ZFHX3: variants seen among roughly 807,000 people sequenced by gnomAD.
ZFHX3 encodes zinc finger homeobox 3.
Under a neutral mutation model 279.1 loss-of-function variants are expected in ZFHX3, and 42 were observed. The observed-to-expected ratio is 0.15, with a 90% CI of 0.12 to 0.19. The LOEUF (loss-of-function observed/expected upper bound fraction) is 0.19, where lower values mean the gene tolerates loss of function less well. Among genes scored for constraint, ZFHX3 ranks in the 10% least tolerant of loss-of-function variants. The pLI, the probability that ZFHX3 is intolerant of heterozygous loss-of-function variation, is 1.00. For missense variants in ZFHX3, 4,981 were observed against 4,754.0 expected (o/e 1.05, Z -1.40); for synonymous variants, 2,293 against 1,957.8 (o/e 1.17, Z -4.52).
At chr16:73,581,528 G>T (rs970042211) in intron 2 of ZFHX3, among the ~76,000 whole-genome samples, 2 of 151,728 alleles carry the variant, frequency 1.3e-5, no homozygotes, top group Non-Finnish European at 1.5e-5. Flanking sequence ...CAAGCTGAAG[G>T]GTTTAAGTAC....
chr16:73,680,462 A>G (rs953828157), intron 1 of ZFHX3, among the ~76,000 whole-genome samples: 4 of 152,214 alleles, frequency 2.6e-5, no homozygotes, highest in Admixed American at 6.5e-5. Flanking sequence ...TCCAATTGCA[A>G]AGAAAGCCTG....
intron 3 of ZFHX3, among the ~76,000 whole-genome samples, chr16:73,359,609 G>C (rs977322040): frequency 4.6e-5 from 7 of 152,180 alleles, no homozygotes; most frequent in African/African-American, 1.7e-4. Flanking sequence ...AGAGGCATTG[G>C]GAAGGAAAGG....
chr16:73,891,302 G>A (rs1387761891), intron 1 of ZFHX3, among the ~76,000 whole-genome samples: 1 of 152,128 alleles, frequency 6.6e-6, no homozygotes, highest in African/African-American at 2.4e-5. Context: ...ATCTGTTGAA[G>A]ATCAGACGCT....
chr16:73,703,676 C>A lies in ZFHX3; in HGVS notation c.-1607-23436G>T, dbSNP rs1037517101. 2.6e-5 allele frequency among the ~76,000 whole-genome samples: 4 copies of A among 152,150 alleles called. No homozygotes were observed. The South Asian group carries it at 8.3e-4, about 32-fold the overall frequency. The stretch of plus-strand genomic sequence containing the variant: ...ATGAGTAAGAAAGATTTAAGAGTCC[C>A]GGGAGGTGCCTGGCAGACACTGGAC... On this transcript the variant is annotated intron_variant, in intron 1 of 17. Transcript: ENST00000641206.
rs374032436 is a variant in ZFHX3 at position 73,328,438 on chromosome 16, C to T, written c.-1290-10102G>A. Among the ~76,000 whole-genome samples, 74 of 152,282 alleles carry T rather than the reference C, an allele frequency of 4.9e-4. No individual in the cohort carries two copies. The South Asian group carries it at 6.6e-3, about 14-fold the overall frequency. On this transcript the variant is annotated intron_variant, in intron 3 of 17. Coordinates refer to the ZFHX3 transcript ENST00000641206. ...AGCCATCATTTTTGAGAGTCTAAGA[C>T]GGGAGTTATAGGTTTGGTGTGGATT...
intron 7 of ZFHX3, among the ~76,000 whole-genome samples, chr16:73,115,166 A>G (rs1405023059): frequency 6.6e-6 from 1 of 152,022 alleles, no homozygotes; most frequent in African/African-American, 2.4e-5. Flanking sequence ...TCCAAGTCTC[A>G]GCAGACGCTG....
chr16:73,718,808 G>T (rs1295891255), intron 1 of ZFHX3, among the ~76,000 whole-genome samples: 1 of 151,878 alleles, frequency 6.6e-6, no homozygotes, highest in Non-Finnish European at 1.5e-5. Context: ...TAGAGACGGG[G>T]TTTCGCCATA....
At chr16:72,870,896 T>C (rs2038144963) in intron 4 of ZFHX3, among the ~76,000 whole-genome samples, 1 of 152,176 alleles carries the variant, frequency 6.6e-6, no homozygotes, top group African/African-American at 2.4e-5. Context: ...TGTGGTTATG[T>C]AAAATATCTT....
chr16:73,647,936 G>A (rs1221691606), intron 2 of ZFHX3, among the ~76,000 whole-genome samples: 5 of 151,916 alleles, frequency 3.3e-5, no homozygotes, highest in Non-Finnish European at 7.4e-5. Flanking sequence ...TAAAACATAC[G>A]CTCAATACAA....
At chr16:73,821,133 G>A (rs896218314) in intron 1 of ZFHX3, among the ~76,000 whole-genome samples, 1 of 152,118 alleles carries the variant, frequency 6.6e-6, no homozygotes. Flanking sequence ...ACTAATCTGT[G>A]GACAGTTTTA....
chr16:73,152,144 T>C (rs928616014), intron 5 of ZFHX3, among the ~76,000 whole-genome samples: 33 of 152,182 alleles, frequency 2.2e-4, no homozygotes, highest in Admixed American at 1.3e-4. Flanking sequence ...GATGAATTCA[T>C]TCAAACAACA....
At position 72,788,129 on chromosome 16, in the gene ZFHX3, G is replaced by C. The variant is rs777624445; in HGVS notation, c.10147C>G (p.Leu3383Val). 4 of 1,596,750 alleles carry C rather than the reference G, an allele frequency of 2.5e-6. No homozygotes were observed. In the African/African-American group the frequency reaches 4.0e-5, roughly 16 times the overall value. ...ACTTTTTGCTGCTGCTGCTGCTGTA[G>C]TTGCCGCTGCTGCTGCTGCTGAATT... Reference protein sequence around the residue: ...EAIQQQQQRQLQQQQQQKVQQ... With the variant: ...EAIQQQQQRQVQQQQQQKVQQ... The change falls in exon 10 of 10, where the codon CTA becomes GTA. Residue 3383 changes from leucine (L) to valine (V), a missense_variant. By Grantham distance (32) the Leu-to-Val change is conservative (BLOSUM62 1). Around this residue, in one of 7 missense-constraint regions of ZFHX3, gnomAD observed 1,034 missense variants for 786.0 expected, o/e 1.32. Coordinates refer to ENST00000268489, the MANE Select transcript of ZFHX3 (RefSeq NM_006885.4).
chr16:73,761,143 A>C (rs2053861795), intron 1 of ZFHX3, among the ~76,000 whole-genome samples: 1 of 152,194 alleles, frequency 6.6e-6, no homozygotes. Flanking sequence ...AAGCCTCAGG[A>C]TACAAAATCA....
chr16:73,652,032 C>T (rs1281262782), intron 2 of ZFHX3, among the ~76,000 whole-genome samples: 1 of 152,108 alleles, frequency 6.6e-6, no homozygotes, highest in African/African-American at 2.4e-5. Context: ...TACACAGGGA[C>T]AGGATAGACC....
At chr16:73,008,893 A>G (rs1963809249) in intron 1 of ZFHX3, among the ~76,000 whole-genome samples, 1 of 145,498 alleles carries the variant, frequency 6.9e-6, no homozygotes. Context: ...GAGAGCTACA[A>G]GAAAAATAAA....
intron 2 of ZFHX3, among the ~76,000 whole-genome samples, chr16:73,520,779 C>T (rs1440236600): frequency 6.6e-6 from 1 of 152,152 alleles, no homozygotes; most frequent in Non-Finnish European, 1.5e-5. Flanking sequence ...CTACTATTTA[C>T]ACTGGAAAAA....
chr16:73,585,894 CATT>C (rs1287030550), intron 2 of ZFHX3, among the ~76,000 whole-genome samples: 2 of 151,830 alleles, frequency 1.3e-5, no homozygotes, highest in African/African-American at 2.4e-5. Context: ...GAAAAAAAGG[CATT>C]TAACTTCCAA....
chr16:73,438,151 G>T (rs1256837899), intron 3 of ZFHX3, among the ~76,000 whole-genome samples: 2 of 152,074 alleles, frequency 1.3e-5, no homozygotes, highest in African/African-American at 4.8e-5. Flanking sequence ...AAGTGTATTT[G>T]CCTAACTCTC....
At chr16:72,981,844 T>C (rs1962612337) in intron 1 of ZFHX3, among the ~76,000 whole-genome samples, 1 of 151,530 alleles carries the variant, frequency 6.6e-6, no homozygotes, top group Non-Finnish European at 1.5e-5. Flanking sequence ...ATAACAATGC[T>C]TCTTCCATGC....
Sources: allele counts gnomAD v4.1 joint callset (sites outside exome capture counted in the v4.1 genomes callset), GRCh38; gene constraint gnomAD v4.1.1; regional missense constraint gnomAD v4.1.1; transcripts MANE v1.5; gene names NCBI Gene and HGNC (gene_info 2026-07-23, HGNC 2026-07-21).